Variants in IGFBP7 observed in about 807,000 individuals in gnomAD.
IGFBP7 encodes insulin like growth factor binding protein 7, also known as insulin-like growth factor-binding protein 7.
IGFBP7 carries 31 observed loss-of-function variants against 29.4 expected under a neutral mutation model. The ratio of observed to expected loss-of-function variants is 1.05; its 90% CI spans 0.79 to 1.42. IGFBP7 has a LOEUF of 1.42. IGFBP7 is among the 40% of genes most tolerant of loss of function. IGFBP7 has a pLI of 0.00. For missense variants in IGFBP7, 393 were observed against 395.5 expected (o/e 0.99, Z 0.05); for synonymous variants, 172 against 174.9 (o/e 0.98, Z 0.13).
chr4:57,089,664 C>T (rs1279511457), intron 1 of IGFBP7, among the ~76,000 whole-genome samples: 2 of 152,206 alleles, frequency 1.3e-5, no homozygotes, highest in Non-Finnish European at 2.9e-5. Flanking sequence ...AGAACTGCTG[C>T]CCAGCTATGG....
intron 1 of IGFBP7, among the ~76,000 whole-genome samples, chr4:57,050,821 G>A (rs548400179): frequency 1.3e-5 from 2 of 151,552 alleles, no homozygotes; most frequent in Non-Finnish European, 2.9e-5. Context: ...GCCTCTCAAA[G>A]TGCTGGGGTT....
chr4:57,058,641 A>C (rs1218436468), intron 1 of IGFBP7, among the ~76,000 whole-genome samples: 1 of 152,234 alleles, frequency 6.6e-6, no homozygotes, highest in East Asian at 1.9e-4. Flanking sequence ...AAACTATAAA[A>C]GCCCTGGAAG....
intron 1 of IGFBP7, among the ~76,000 whole-genome samples, chr4:57,051,485 G>A (rs994225105): frequency 6.6e-6 from 1 of 152,238 alleles, no homozygotes; most frequent in African/African-American, 2.4e-5. Flanking sequence ...CCACTTTAGT[G>A]TGAATGAAGA....
intron 1 of IGFBP7, among the ~76,000 whole-genome samples, chr4:57,109,432 T>A (rs576350730): frequency 2.1e-4 from 31 of 149,926 alleles, no homozygotes; most frequent in Middle Eastern, 3.5e-3. Flanking sequence ...TCCTATCTTT[T>A]AAAAAAAAAA....
intron 1 of IGFBP7, among the ~76,000 whole-genome samples, chr4:57,095,169 T>G (rs1725731953): frequency 6.6e-6 from 1 of 152,256 alleles, no homozygotes; most frequent in Admixed American, 6.5e-5. Flanking sequence ...TGGCTTGAGC[T>G]GCAGTGCTTG....
chr4:57,093,312 C>A (rs912629063), intron 1 of IGFBP7, among the ~76,000 whole-genome samples: 1 of 152,116 alleles, frequency 6.6e-6, no homozygotes, highest in Non-Finnish European at 1.5e-5. Flanking sequence ...ATCAGCCTGG[C>A]CAACATGGTG....
intron 1 of IGFBP7, among the ~76,000 whole-genome samples, chr4:57,069,314 G>T (rs1724999070): frequency 6.6e-6 from 1 of 152,126 alleles, no homozygotes; most frequent in South Asian, 2.1e-4. Flanking sequence ...ATAGGCCTGG[G>T]GTGATGGCTC....
chr4:57,056,007 C>G (rs549109345), intron 1 of IGFBP7, among the ~76,000 whole-genome samples: 32 of 152,198 alleles, frequency 2.1e-4, no homozygotes, highest in Non-Finnish European at 4.3e-4. Context: ...TGTTTTTACC[C>G]TCCAGGCCCC....
intron 2 of IGFBP7, among the ~76,000 whole-genome samples, chr4:57,033,871 CAA>C (rs1163446250): frequency 1.3e-5 from 2 of 152,018 alleles, no homozygotes; most frequent in African/African-American, 4.8e-5. Flanking sequence ...ACCAACATGA[CAA>C]AACCCTGTCT....
At chr4:57,084,408 G>T (rs1428605878) in intron 1 of IGFBP7, among the ~76,000 whole-genome samples, 1 of 152,206 alleles carries the variant, frequency 6.6e-6, no homozygotes, top group Non-Finnish European at 1.5e-5. Context: ...ACATGGACAT[G>T]AAATGGTGTG....
intron 1 of IGFBP7, among the ~76,000 whole-genome samples, chr4:57,105,246 T>C (rs933202521): frequency 6.6e-6 from 1 of 152,370 alleles, no homozygotes; most frequent in East Asian, 1.9e-4. Flanking sequence ...ATTTCTCCGA[T>C]GTACACCCTT....
chr4:57,109,950 G>T lies in IGFBP7; in HGVS notation c.402C>A (p.Arg134=). 1 of 1,553,822 alleles carries T rather than the reference G, an allele frequency of 6.4e-7. No individual in the cohort carries two copies. Among genetic ancestry groups the T allele is most frequent in the South Asian group, 1.2e-5 (1 of 85,210 alleles). The change falls in exon 1 of 5, where the codon CGC becomes CGA. Residue 134 remains arginine (R), a synonymous_variant. Transcript: ENST00000295666. ...GTTYPSGCQL[R]AASQRAESRG... ...GGCTCTCGGCCCTCTGGCTGGCGGCGCGCAGCTGGCAGCCGCTCGGGTAGG... is the reference window on the plus strand; with the variant it reads ...GGCTCTCGGCCCTCTGGCTGGCGGCTCGCAGCTGGCAGCCGCTCGGGTAGG...
At chr4:57,056,314 C>T (rs1237499777) in intron 1 of IGFBP7, among the ~76,000 whole-genome samples, 1 of 152,148 alleles carries the variant, frequency 6.6e-6, no homozygotes, top group East Asian at 1.9e-4. Context: ...CTAGTGTCGT[C>T]CCTAAGGCTG....
intron 1 of IGFBP7, among the ~76,000 whole-genome samples, chr4:57,045,670 G>C (rs1724341704): frequency 6.6e-6 from 1 of 151,718 alleles, no homozygotes; most frequent in South Asian, 2.1e-4. Context: ...AGCTCTGATT[G>C]GTTCTTTACC....
At position 57,030,811 on chromosome 4, in the gene IGFBP7, A is replaced by G. The variant is rs56231646; in HGVS notation, c.*506T>C. On this transcript the variant is annotated 3_prime_UTR_variant, in exon 5 of 5. Transcript: ENST00000295666. ...CTCCACTCATTTATTCATTATCTAC[A>G]GTACCAGATCTTTGTCTTTTTCTGG... 1.1e-3 allele frequency: 837 copies of G among 756,092 alleles called. 8 individuals are homozygous for G. In the East Asian group the frequency reaches 0.016, roughly 14 times the overall value. The allele number at this position is 756,092 out of a possible 1,614,324, so 46.8% of individuals were successfully genotyped here.
chr4:57,100,071 C>CTTTTTTT (rs10669251), intron 1 of IGFBP7, among the ~76,000 whole-genome samples: 26 of 115,712 alleles, frequency 2.2e-4, no homozygotes, highest in East Asian at 5.2e-4. Context: ...TCTTTTCTTT[C>CTTTTTTT]TTTTTTTTTT....
chr4:57,080,392 T>C (rs1316082147), intron 1 of IGFBP7, among the ~76,000 whole-genome samples: 1 of 152,226 alleles, frequency 6.6e-6, no homozygotes, highest in Non-Finnish European at 1.5e-5. Flanking sequence ...ACAGGGGTTA[T>C]AGCTGAAACA....
intron 1 of IGFBP7, among the ~76,000 whole-genome samples, chr4:57,042,227 T>C (rs1418352320): frequency 6.6e-6 from 1 of 152,242 alleles, no homozygotes; most frequent in South Asian, 2.1e-4. Flanking sequence ...GCTATGAAAG[T>C]GGTATGACTC....
At chr4:57,102,329 A>AT (rs1349167242) in intron 1 of IGFBP7, among the ~76,000 whole-genome samples, 1 of 152,164 alleles carries the variant, frequency 6.6e-6, no homozygotes, top group Non-Finnish European at 1.5e-5. Context: ...ATGTTAACAA[A>AT]TGCCTGCTCA....
Sources: gnomAD v4.1 joint callset for allele counts (sites outside exome capture counted in the v4.1 genomes callset) on GRCh38, gnomAD v4.1.1 for gene constraint, MANE v1.5 for transcripts, NCBI Gene and HGNC (gene_info 2026-07-23, HGNC 2026-07-21) for gene names.